ITGA6: variants seen among roughly 807,000 people sequenced by gnomAD.
ITGA6 encodes integrin alpha-6.
A neutral mutation model predicts 133.6 loss-of-function variants in ITGA6; 63 were observed. The observed-to-expected ratio is 0.47, with a 90% CI of 0.38 to 0.58. ITGA6 has a LOEUF of 0.58. ITGA6 is among the 20% of genes least tolerant of loss of function. The pLI is 0.00. For synonymous variants in ITGA6, 434 were observed against 482.0 expected (o/e 0.90, Z 1.30); for missense variants, 1,068 against 1,309.4 (o/e 0.82, Z 2.85).
At chr2:172,431,844 A>G (rs1349683432) in intron 1 of ITGA6, among the ~76,000 whole-genome samples, 1 of 152,220 alleles carries the variant, frequency 6.6e-6, no homozygotes, top group African/African-American at 2.4e-5. Flanking sequence ...GGTTGGGGAA[A>G]AAAAGGGTCA....
chr2:172,491,580 C>G lies in ITGA6; in HGVS notation c.2988+57C>G. On this transcript the variant is annotated intron_variant, in intron 23 of 25. Coordinates refer to ENST00000684293, the MANE Select transcript of ITGA6 (RefSeq NM_000210.4). This position sits in a 1 kb window ranked among gnomAD's most constrained non-coding sequence, Gnocchi z 4.4. ...GAACATGTCTCTTTTCCCTGTACCCCACACTCATGTCCTGAAGTCATGTGC... is the reference window on the plus strand; with the variant it reads ...GAACATGTCTCTTTTCCCTGTACCCGACACTCATGTCCTGAAGTCATGTGC... 2.7e-6 allele frequency: 3 copies of G among 1,113,284 alleles called. No individual in the cohort carries two copies. Among genetic ancestry groups the G allele is most frequent in the Non-Finnish European group, 2.7e-6 (2 of 734,702 alleles). 69.0% of individuals were successfully genotyped at this position (1,113,284 alleles called of 1,614,324 possible). A position where few individuals can be genotyped will look rare whatever the true frequency, so the allele number is the denominator to read the frequency against.
At chr2:172,497,897 C>A in intron 23 of ITGA6, 78 bp from the exon 24 acceptor site, 2 of 1,512,364 alleles carry the variant, frequency 1.3e-6, no homozygotes, top group Non-Finnish European at 1.8e-6. Context: ...TATTCAAAAG[C>A]AGAATTAGAA....
intron 3 of ITGA6, among the ~76,000 whole-genome samples, chr2:172,467,824 T>C (rs1685747108): frequency 6.6e-6 from 1 of 152,010 alleles, no homozygotes; most frequent in African/African-American, 2.4e-5. Context: ...CCATCTCTAC[T>C]AAAAATACAA....
intron 24 of ITGA6, 146 bp downstream of exon 24, chr2:172,498,246 A>G: frequency 1.3e-6 from 1 of 746,640 alleles, no homozygotes; most frequent in Admixed American, 2.3e-5. Flanking sequence ...AAATTTGAGG[A>G]AAATTTTACC....
intron 1 of ITGA6, among the ~76,000 whole-genome samples, chr2:172,436,652 G>A (rs1684333296): frequency 1.3e-5 from 2 of 152,236 alleles, no homozygotes. Flanking sequence ...GTCTGTATTC[G>A]AACATGCAGG....
At chr2:172,467,946 CAAAAAAAAGA>C in intron 3 of ITGA6, among the ~76,000 whole-genome samples, 1 of 138,540 alleles carries the variant, frequency 7.2e-6, no homozygotes, top group Non-Finnish European at 1.5e-5. Flanking sequence ...AACTCCATCT[CAAAAAAAAGA>C]AAAAAAAAGA....
At chr2:172,443,936 G>A (rs1684645467) in intron 1 of ITGA6, among the ~76,000 whole-genome samples, 1 of 152,082 alleles carries the variant, frequency 6.6e-6, no homozygotes. Flanking sequence ...TACCACGCCT[G>A]GCTAATCTTT....
At chr2:172,490,930 C>G (rs141622548) in intron 20 of ITGA6, 94 bp from the exon 21 acceptor site, 1 of 774,156 alleles carries the variant, frequency 1.3e-6, no homozygotes, top group East Asian at 2.4e-5. Flanking sequence ...TTATGTGAAT[C>G]TGGCACTGTT....
chr2:172,486,228 A>C (rs573966644), intron 13 of ITGA6, among the ~76,000 whole-genome samples: 1 of 149,718 alleles, frequency 6.7e-6, no homozygotes, highest in East Asian at 2.1e-4. Context: ...TCTGTCCACT[A>C]TGGGGCTGCT....
intron 15 of ITGA6, 43 bp from the exon 16 acceptor site, chr2:172,487,503 TG>T: frequency 1.2e-6 from 2 of 1,611,044 alleles, no homozygotes; most frequent in Non-Finnish European, 8.5e-7. Flanking sequence ...CAACACTGTG[TG>T]GCAAATGAGT....
chr2:172,483,721 A>G (rs1335195145), intron 11 of ITGA6, among the ~76,000 whole-genome samples: 2 of 152,228 alleles, frequency 1.3e-5, no homozygotes, highest in Non-Finnish European at 2.9e-5. Context: ...AGTGCAAGGT[A>G]GGCAGTTTGG....
At position 172,485,195 on chromosome 2, in the gene ITGA6, G is replaced by A. The variant is rs1686613226; in HGVS notation, c.1785G>A (p.Arg595=). 6.2e-7 allele frequency: 1 copy of A among 1,613,930 alleles called. No homozygotes were observed. Among genetic ancestry groups the A allele is most frequent in the African/African-American group, 1.3e-5 (1 of 75,004 alleles). The change falls in exon 13 of 26, where the codon AGG becomes AGA. Residue 595 remains arginine (R), a synonymous_variant. Transcript: ENST00000684293. ...AGATCCAAGAGCCAAGCTCTCGTAG[G>A]CGAGTGAATTCACTTCCAGAAGTTC... ...SVEIQEPSSR[R]RVNSLPEVLP...
chr2:172,491,183 C>A lies in ITGA6; in HGVS notation c.2779-38C>A. 6.9e-7 allele frequency: 1 copy of A among 1,447,712 alleles called. No homozygotes were observed. The highest frequency in any genetic ancestry group is 9.7e-7 in the Non-Finnish European group (1 of 1,028,384). 89.7% of individuals were successfully genotyped at this position (1,447,712 alleles called of 1,614,324 possible). A position where few individuals can be genotyped will look rare whatever the true frequency, so the allele number is the denominator to read the frequency against. On this transcript the variant is annotated intron_variant, in intron 21 of 25. Transcript: ENST00000684293. The surrounding 1 kb of genome is among the most constrained non-coding windows in gnomAD (Gnocchi z 4.4). ...GATGAGGGGAAGGATTTCTTCAGAACAATGTCTTTTGATGACCATTCTTCT... is the reference window on the plus strand; with the variant it reads ...GATGAGGGGAAGGATTTCTTCAGAAAAATGTCTTTTGATGACCATTCTTCT...
intron 2 of ITGA6, chr2:172,466,044 G>A (rs934664444): frequency 1.8e-5 from 6 of 333,308 alleles, no homozygotes; most frequent in Non-Finnish European, 2.9e-5. Flanking sequence ...TTGGGAGAAA[G>A]ACAGTTTTAA....
At chr2:172,469,424 T>C (rs1477207852) in intron 4 of ITGA6, 44 bp downstream of exon 4, 1 of 1,227,476 alleles carries the variant, frequency 8.1e-7, no homozygotes, top group Non-Finnish European at 1.1e-6. Context: ...GTTCCCCTAA[T>C]TTCTGTAATA....
chr2:172,479,097 G>C (rs1686308208), intron 9 of ITGA6, among the ~76,000 whole-genome samples: 1 of 152,172 alleles, frequency 6.6e-6, no homozygotes, highest in Non-Finnish European at 1.5e-5. Flanking sequence ...TCAACAACGT[G>C]AATGTCTACC....
chr2:172,463,441 T>G (rs895492478), intron 1 of ITGA6, among the ~76,000 whole-genome samples: 1 of 152,188 alleles, frequency 6.6e-6, no homozygotes, highest in Non-Finnish European at 1.5e-5. Flanking sequence ...TTGGCTCTAT[T>G]ATCTTAACTT....
intron 1 of ITGA6, chr2:172,464,148 C>T (rs562664391): frequency 2.0e-5 from 3 of 152,378 alleles, no homozygotes; most frequent in African/African-American, 7.2e-5. Flanking sequence ...ATCCATGAGC[C>T]ACCCCTCCTT....
intron 11 of ITGA6, among the ~76,000 whole-genome samples, chr2:172,482,281 T>G (rs1686480053): frequency 6.6e-6 from 1 of 152,256 alleles, no homozygotes; most frequent in African/African-American, 2.4e-5. Context: ...CTTTCATTGC[T>G]TTTACTTCCA....
Sources: allele counts gnomAD v4.1 joint callset (sites outside exome capture counted in the v4.1 genomes callset), GRCh38; gene constraint gnomAD v4.1.1; non-coding constraint Gnocchi (gnomAD v3.1); transcripts MANE v1.5; gene names NCBI Gene and HGNC (gene_info 2026-07-23, HGNC 2026-07-21).